Variants in LRRC4C observed in about 807,000 individuals in gnomAD.
The protein encoded by LRRC4C is leucine-rich repeat-containing protein 4C.
In LRRC4C, 5 loss-of-function variants were observed where a neutral mutation model predicts 33.6. The observed-to-expected ratio is 0.15, with a 90% CI of 0.08 to 0.31. The LOEUF is 0.31. Among genes scored for constraint, LRRC4C ranks in the 10% least tolerant of loss-of-function variants. The probability of loss-of-function intolerance (pLI) is 1.00; values close to 1 mark genes in which losing one functional copy is unlikely to be tolerated. For synonymous variants in LRRC4C, 329 were observed against 302.0 expected, an observed-to-expected ratio of 1.09 and a Z score of -0.93; for missense variants, 560 against 796.7, an observed-to-expected ratio of 0.70 and a Z score of 3.58.
intron 5 of LRRC4C, among the ~76,000 whole-genome samples, chr11:40,180,328 T>C (rs1860879974): frequency 1.3e-5 from 2 of 152,246 alleles, no homozygotes; most frequent in African/African-American, 4.8e-5. Context: ...AATAAGATGA[T>C]GAATAATTTA....
chr11:40,788,986 G>T (rs1950523896), intron 2 of LRRC4C, among the ~76,000 whole-genome samples: 1 of 151,168 alleles, frequency 6.6e-6, no homozygotes, highest in Non-Finnish European at 1.5e-5. Flanking sequence ...CCAGCTACTT[G>T]GAAGGCTGAG....
intron 5 of LRRC4C, among the ~76,000 whole-genome samples, chr11:40,205,364 T>C (rs771865210): frequency 2.4e-4 from 37 of 152,176 alleles, no homozygotes; most frequent in Non-Finnish European, 4.6e-4. Flanking sequence ...AAGCAATCTA[T>C]GTGAGGTTTG....
chr11:41,129,968 A>G (rs975969762), intron 1 of LRRC4C, among the ~76,000 whole-genome samples: 1 of 152,042 alleles, frequency 6.6e-6, no homozygotes, highest in South Asian at 2.1e-4. Context: ...CTCTCTGCAA[A>G]TAAATACCAA....
chr11:41,231,292 C>T (rs1947781932), intron 1 of LRRC4C, among the ~76,000 whole-genome samples: 1 of 152,088 alleles, frequency 6.6e-6, no homozygotes, highest in African/African-American at 2.4e-5. Context: ...ATAAATCATG[C>T]TGCTATAAAG....
chr11:41,096,814 T>A (rs1940838077), intron 1 of LRRC4C, among the ~76,000 whole-genome samples: 2 of 152,014 alleles, frequency 1.3e-5, no homozygotes, highest in African/African-American at 4.8e-5. Context: ...TTTGACTCCA[T>A]CCAAAGAGCA....
At position 40,115,408 on chromosome 11, in the gene LRRC4C, C is replaced by T. The variant is rs1855354367; in HGVS notation, c.885G>A (p.Arg295=). 6.2e-7 allele frequency: 1 copy of T among 1,614,172 alleles called. No individual in the cohort carries two copies. Among genetic ancestry groups the T allele is most frequent in the Non-Finnish European group, 8.5e-7 (1 of 1,180,036 alleles). The stretch of plus-strand genomic sequence containing the variant: ...TCCAAGGGTTGTGATGTAAATGTAT[C>T]CGCTCTAGATGATGCAAGGGAGTGA... ...DLFTPLHHLE[R]IHLHHNPWNC... Residue 295 remains arginine (R), a synonymous_variant, in exon 7 of 7, where the codon CGG becomes CGA. Coordinates refer to ENST00000528697, the MANE Select transcript of LRRC4C (RefSeq NM_001258419.2). This position sits in a 1 kb window ranked among gnomAD's most constrained non-coding sequence, Gnocchi z 6.7.
At chr11:40,839,030 A>G (rs1249352047) in intron 2 of LRRC4C, among the ~76,000 whole-genome samples, 1 of 152,186 alleles carries the variant, frequency 6.6e-6, no homozygotes, top group Non-Finnish European at 1.5e-5. Flanking sequence ...AGAGACTCAC[A>G]GAAGAGACCA....
chr11:40,123,816 TC>T (rs1453767217), intron 6 of LRRC4C, among the ~76,000 whole-genome samples: 1 of 152,054 alleles, frequency 6.6e-6, no homozygotes, highest in Non-Finnish European at 1.5e-5. Flanking sequence ...ACTGGAGGAA[TC>T]TCATTACCTA....
chr11:41,441,446 C>G (rs1955614960), intron 1 of LRRC4C, among the ~76,000 whole-genome samples: 1 of 151,490 alleles, frequency 6.6e-6, no homozygotes, highest in Non-Finnish European at 1.5e-5. Context: ...TCATGGTGGG[C>G]TAGAGGGTTT....
chr11:40,747,298 C>T lies in LRRC4C; in HGVS notation c.-406-99020G>A, dbSNP rs539549191. On this transcript the variant is annotated intron_variant, in intron 2 of 6. Coordinates refer to ENST00000528697, the MANE Select transcript of LRRC4C (RefSeq NM_001258419.2). ...GCAATTCAGAAAATCATAGATACCA[C>T]TGATGCTGTATATAGTCAAATACAG... 1.3e-4 allele frequency among the ~76,000 whole-genome samples: 20 copies of T among 152,294 alleles called. No homozygotes were observed. The East Asian group carries it at 3.9e-3, about 29-fold the overall frequency.
chr11:40,947,381 C>T (rs770141544), intron 1 of LRRC4C, among the ~76,000 whole-genome samples: 2 of 152,008 alleles, frequency 1.3e-5, no homozygotes, highest in Non-Finnish European at 2.9e-5. Context: ...ATAATTTGAT[C>T]CTTTCAGGTC....
chr11:40,282,999 AT>A (rs2136466305), intron 4 of LRRC4C, among the ~76,000 whole-genome samples: 1 of 152,334 alleles, frequency 6.6e-6, no homozygotes, highest in South Asian at 2.1e-4. Context: ...TAAAATTTAC[AT>A]TCTCTTCTTT....
At chr11:40,687,142 G>C (rs1021586637) in intron 2 of LRRC4C, among the ~76,000 whole-genome samples, 1 of 151,936 alleles carries the variant, frequency 6.6e-6, no homozygotes, top group Non-Finnish European at 1.5e-5. Context: ...GGTTTTTAAG[G>C]CTCTCTCAAG....
intron 5 of LRRC4C, among the ~76,000 whole-genome samples, chr11:40,207,472 C>T (rs1243524263): frequency 6.6e-6 from 1 of 152,078 alleles, no homozygotes; most frequent in Non-Finnish European, 1.5e-5. Flanking sequence ...TGTGGTGATG[C>T]ACACCTGTAG....
chr11:41,071,390 CAT>C (rs1162113155), intron 1 of LRRC4C, among the ~76,000 whole-genome samples: 1 of 152,156 alleles, frequency 6.6e-6, no homozygotes, highest in South Asian at 2.1e-4. Flanking sequence ...ACATTCTGCA[CAT>C]GTGTCCCGGA....
chr11:40,915,730 A>C (rs1205956484), intron 2 of LRRC4C, among the ~76,000 whole-genome samples: 1 of 152,224 alleles, frequency 6.6e-6, no homozygotes, highest in Non-Finnish European at 1.5e-5. Flanking sequence ...TCTTCACAGC[A>C]AAAGAAACTA....
At chr11:40,997,201 T>C (rs1039331966) in intron 1 of LRRC4C, among the ~76,000 whole-genome samples, 7 of 152,094 alleles carry the variant, frequency 4.6e-5, no homozygotes, top group South Asian at 2.1e-4. Context: ...AGAGAGTATA[T>C]ACTGTGAGAA....
chr11:41,020,594 A>C (rs1355441858), intron 1 of LRRC4C, among the ~76,000 whole-genome samples: 4 of 152,146 alleles, frequency 2.6e-5, no homozygotes. Flanking sequence ...AAGTATTGCT[A>C]GCAGCCCCCC....
chr11:41,345,413 T>C (rs1951772067), intron 1 of LRRC4C, among the ~76,000 whole-genome samples: 2 of 152,178 alleles, frequency 1.3e-5, no homozygotes, highest in South Asian at 2.1e-4. Context: ...GGATGCTAAT[T>C]GATAAATGAA....
Sources: gnomAD v4.1 joint callset for allele counts (sites outside exome capture counted in the v4.1 genomes callset) on GRCh38, gnomAD v4.1.1 for gene constraint, Gnocchi (gnomAD v3.1) non-coding constraint, MANE v1.5 for transcripts, NCBI Gene and HGNC (gene_info 2026-07-23, HGNC 2026-07-21) for gene names.